Variants in COL5A3 observed in about 807,000 individuals in gnomAD.
The protein encoded by COL5A3 is collagen type V alpha 3 chain, also known as collagen alpha-3(V) chain.
Under a neutral mutation model 250.0 loss-of-function variants are expected in COL5A3, and 172 were observed. The ratio of observed to expected loss-of-function variants is 0.69; its 90% CI spans 0.61 to 0.78. COL5A3 has a LOEUF of 0.78. Ranked by LOEUF, COL5A3 falls within the 30% of genes least tolerant of loss-of-function variation. The pLI is 0.00. For missense variants in COL5A3, 2,340 were observed against 2,334.4 expected (o/e 1.00, Z -0.05); for synonymous variants, 937 against 900.4 (o/e 1.04, Z -0.73).
chr19:9,982,173 G>T, intron 31 of COL5A3, 55 bp from the exon 32 acceptor site: 1 of 1,281,546 alleles, frequency 7.8e-7, no homozygotes, highest in Non-Finnish European at 1.1e-6. Flanking sequence ...GTGGTGGGTG[G>T]AATTGGCCCC....
Position 9,972,360 on chromosome 19 carries a change from T to C in COL5A3, c.3774+559A>G, listed in dbSNP as rs116615573. On this transcript the variant is annotated intron_variant, in intron 51 of 66. Transcript: ENST00000264828. ...ATCCATTCACTCATTTATTCATCCATTTATTCATTCACGTATTCATCCATC... is the reference window on the plus strand; with the variant it reads ...ATCCATTCACTCATTTATTCATCCACTTATTCATTCACGTATTCATCCATC... Among the ~76,000 whole-genome samples the C allele has an allele frequency of 4.8e-3, 738 of 152,318 alleles. 7 individuals are homozygous for C. The highest frequency in any genetic ancestry group is 0.017 in the African/African-American group (700 of 41,570).
In COL5A3 at chr19:9,960,563, C is replaced by T. The variant is rs2086658645; in HGVS notation, c.5092-6G>A. ...TTCGTCTGTCCTTTCCGGAGCTGTC[C>T]CCAGAGAAGACAGAGACGGTGAGTT... On this transcript the variant is annotated splice_region_variant and splice_polypyrimidine_tract_variant and intron_variant, in intron 66 of 66. Coordinates refer to ENST00000264828, the MANE Select transcript of COL5A3 (RefSeq NM_015719.4). 1.2e-6 allele frequency: 2 copies of T among 1,614,012 alleles called. No individual in the cohort carries two copies. Among genetic ancestry groups the T allele is most frequent in the African/African-American group, 2.7e-5 (2 of 74,916 alleles).
At chr19:9,991,055 T>C (rs2087181786) in intron 24 of COL5A3, among the ~76,000 whole-genome samples, 1 of 151,704 alleles carries the variant, frequency 6.6e-6, no homozygotes, top group Non-Finnish European at 1.5e-5. Flanking sequence ...GCAGACCCCA[T>C]CTCTACAAAA....
rs772666351 is a variant in COL5A3, at chr19:10,006,142, C to T, written c.178G>A (p.Glu60Lys). 1 of 1,612,620 alleles carries T rather than the reference C, an allele frequency of 6.2e-7. No homozygotes were observed. Among genetic ancestry groups the T allele is most frequent in the South Asian group, 1.1e-5 (1 of 90,762 alleles). The change falls in exon 2 of 67, where the codon GAG (glutamate) becomes AAG (lysine). Residue 60 changes from glutamate (E) to lysine (K), a missense_variant. By Grantham distance (56) the Glu-to-Lys change is moderately conservative. This residue lies in a region of COL5A3 where 1,152 missense variants were observed against 1,146.3 expected (regional missense o/e 1.00). Transcript: ENST00000264828. ...CCAATTCTGAATGCCCGGTCACCCT[C>T]TGGAGTCCTCTGGGGACAGAAGCCA... Reference protein sequence around the residue: ...GPGFCPQRTPEGDRAFRIGQA... With the variant: ...GPGFCPQRTPKGDRAFRIGQA...
intron 54 of COL5A3, among the ~76,000 whole-genome samples, chr19:9,970,286 T>G (rs200497595): frequency 3.0e-4 from 20 of 66,062 alleles, no homozygotes; most frequent in African/African-American, 1.1e-3. Context: ...GGGTCTGTGG[T>G]TGACTGAGGT....
Position 9,980,812 on chromosome 19 carries a change from G to A in COL5A3, c.2553C>T (p.Gly851=), listed in dbSNP as rs746699779. The change falls in exon 34 of 67, where the codon GGC becomes GGT. Residue 851 remains glycine (G), a synonymous_variant. Coordinates refer to ENST00000264828, the MANE Select transcript of COL5A3 (RefSeq NM_015719.4). ...RGQPGATGQP[G]PKGDVGQDGA... is the part of the protein sequence containing the mutation. ...TTGCCCACCCATCCCATACCTTGGG[G>A]CCTGGTTGCCCTGTGGCACCCGGTT... The A allele has an allele frequency of 3.1e-6, 5 of 1,612,808 alleles. No homozygotes were observed. The highest frequency in any genetic ancestry group is 4.2e-6 in the Non-Finnish European group (5 of 1,179,448).
Position 10,002,642 on chromosome 19 carries a change from C to T in COL5A3, c.850-761G>A, listed in dbSNP as rs544507907. ...CAGTGACATCTCTTGGCTATTAGCACTAACTAGTGACTCTCCAACTAATAA... is the reference window on the plus strand; with the variant it reads ...CAGTGACATCTCTTGGCTATTAGCATTAACTAGTGACTCTCCAACTAATAA... On this transcript the variant is annotated intron_variant, in intron 6 of 66. Transcript: ENST00000264828. Among the ~76,000 whole-genome samples, 7 of 152,212 alleles carry T rather than the reference C, an allele frequency of 4.6e-5. No homozygotes were observed. The South Asian group carries it at 1.5e-3, about 32-fold the overall frequency.
intron 64 of COL5A3, among the ~76,000 whole-genome samples, chr19:9,965,986 A>T: frequency 6.9e-6 from 1 of 144,232 alleles, no homozygotes; most frequent in African/African-American, 2.5e-5. Context: ...GGCTCGCACC[A>T]CCATGCCCGC....
intron 31 of COL5A3, among the ~76,000 whole-genome samples, chr19:9,982,659 C>T (rs900366006): frequency 6.6e-6 from 1 of 152,096 alleles, no homozygotes; most frequent in South Asian, 2.1e-4. Context: ...CTGGAGGAAC[C>T]CTTCCTCCAC....
chr19:10,006,827 T>C (rs886334867), intron 1 of COL5A3, among the ~76,000 whole-genome samples: 1 of 151,868 alleles, frequency 6.6e-6, no homozygotes, highest in Admixed American at 6.6e-5. Flanking sequence ...GATCTTCTTC[T>C]GCCTGACCCC....
intron 18 of COL5A3, 55 bp downstream of exon 18, chr19:9,993,564 G>A: frequency 6.3e-7 from 1 of 1,596,702 alleles, no homozygotes; most frequent in South Asian, 1.1e-5. Context: ...AAGTTGGGGG[G>A]GCTTGAATAT....
intron 61 of COL5A3, 94 bp downstream of exon 61, chr19:9,967,810 T>C: frequency 7.8e-7 from 1 of 1,282,682 alleles, no homozygotes; most frequent in South Asian, 1.4e-5. Context: ...CATGAATAAA[T>C]AAATAAATGA....
Position 9,991,816 on chromosome 19 carries a change from G to T in COL5A3, c.1919C>A (p.Pro640Gln), listed in dbSNP as rs151176273. Residue 640 changes from proline (P) to glutamine (Q), a missense_variant, in exon 23 of 67, where the codon CCG becomes CAG. Physicochemically the swap from Pro to Gln is moderately conservative, Grantham distance 76. This residue lies in a region of COL5A3 where 1,152 missense variants were observed against 1,146.3 expected (regional missense o/e 1.00). Transcript: ENST00000264828. ...GGACCCATGGTTTCCCTGCTGTCCC[G>T]GAGGGCCTGGTTCTCCTGGAGGACC... Reference protein sequence around the residue: ...NVGPPGEPGPPGQQGNHGSQG... With the variant: ...NVGPPGEPGPQGQQGNHGSQG... The T allele has an allele frequency of 6.2e-7, 1 of 1,609,180 alleles. No homozygotes were observed. Among genetic ancestry groups the T allele is most frequent in the South Asian group, 1.1e-5 (1 of 90,132 alleles).
Position 9,996,267 on chromosome 19 carries a change from A to G in COL5A3, c.1423-5T>C. On this transcript the variant is annotated splice_polypyrimidine_tract_variant and splice_region_variant and intron_variant, in intron 13 of 66. Coordinates refer to ENST00000264828, the MANE Select transcript of COL5A3 (RefSeq NM_015719.4). ...AGGGGGGCCTTTCATAGAGAGCTGG[A>G]AAGACAGAGGAGTCAGAGCTTGGGG... The G allele has an allele frequency of 6.4e-7, 1 of 1,566,378 alleles. No homozygotes were observed. Among genetic ancestry groups the G allele is most frequent in the Non-Finnish European group, 8.6e-7 (1 of 1,158,936 alleles).
chr19:9,993,398 TG>T lies in COL5A3; in HGVS notation c.1730del (p.Pro577GlnfsTer42). 6.2e-7 allele frequency: 1 copy of T among 1,614,098 alleles called. No homozygotes were observed. Among genetic ancestry groups the T allele is most frequent in the Non-Finnish European group, 8.5e-7 (1 of 1,180,000 alleles). Reference protein sequence around the residue: ...DFGHVGQPGPPGEDGERGAEG... With the variant: ...DFGHVGQPGPXGEDGERGAEG... ...AACTTACCCTCTCACCATCCTCTCCTGGGGGACCGGGTTGCCCCACATGGCC... is the reference window on the plus strand; with the variant it reads ...AACTTACCCTCTCACCATCCTCTCCTGGGGACCGGGTTGCCCCACATGGCC... On this transcript the variant is annotated frameshift_variant, in exon 19 of 67. Coordinates refer to ENST00000264828, the MANE Select transcript of COL5A3 (RefSeq NM_015719.4). LOFTEE classifies it high-confidence loss of function.
At chr19:9,995,452 G>T in intron 16 of COL5A3, 112 bp downstream of exon 16, 1 of 883,540 alleles carries the variant, frequency 1.1e-6, no homozygotes, top group Non-Finnish European at 1.7e-6. Context: ...CCTGCCTTCA[G>T]CACTCTTTTC....
At chr19:9,994,943 C>G (rs2087248075) in intron 16 of COL5A3, among the ~76,000 whole-genome samples, 1 of 151,934 alleles carries the variant, frequency 6.6e-6, no homozygotes, top group African/African-American at 2.4e-5. Flanking sequence ...TTTTGAGACA[C>G]AATCTCACTC....
At chr19:9,963,610 C>G (rs1157950234) in intron 64 of COL5A3, among the ~76,000 whole-genome samples, 1 of 149,196 alleles carries the variant, frequency 6.7e-6, no homozygotes, top group Non-Finnish European at 1.5e-5. Context: ...CCAGGCTGGT[C>G]TTGAACTCCT....
chr19:10,007,913 G>GTCTCTT (rs1399142435), intron 1 of COL5A3, among the ~76,000 whole-genome samples: 1 of 151,078 alleles, frequency 6.6e-6, no homozygotes, highest in Admixed American at 6.6e-5. Context: ...CTGTGTCCAA[G>GTCTCTT]TCTCTTTCTC....
Sources: gnomAD v4.1 joint callset for allele counts (sites outside exome capture counted in the v4.1 genomes callset) on GRCh38, gnomAD v4.1.1 for gene constraint, gnomAD v4.1.1 regional missense constraint, MANE v1.5 for transcripts, NCBI Gene and HGNC (gene_info 2026-07-23, HGNC 2026-07-21) for gene names.